RALYL: variants seen among roughly 807,000 people sequenced by gnomAD.
RALYL encodes the protein RNA-binding Raly-like protein.
Under a neutral mutation model 35.1 loss-of-function variants are expected in RALYL, and 29 were observed. That is an observed-to-expected ratio of 0.83 (90% CI 0.61 to 1.13). RALYL has a LOEUF of 1.13. Among genes scored for constraint, RALYL ranks in the 50% most tolerant of loss-of-function variants. The pLI, the probability that RALYL is intolerant of heterozygous loss-of-function variation, is 0.00. For synonymous variants in RALYL, 120 were observed against 127.6 expected, an observed-to-expected ratio of 0.94 and a Z score of 0.40; for missense variants, 359 against 360.4, an observed-to-expected ratio of 1.00 and a Z score of 0.03.
rs73294064 is a variant in RALYL, at chr8:84,589,648, C to T, written c.256+60071C>T. Among the ~76,000 whole-genome samples, 668 of 152,184 alleles carry T rather than the reference C, an allele frequency of 4.4e-3. 4 individuals are homozygous for T. The highest frequency in any genetic ancestry group is 0.015 in the African/African-American group (635 of 41,502). On this transcript the variant is annotated intron_variant, in intron 2 of 8. Transcript: ENST00000521268. ...TATACTTTATTATCTTAATTCATAG[C>T]TAAAGTCCAATTATTATATTAATTA...
chr8:84,230,627 C>T (rs189736262), intron 1 of RALYL, among the ~76,000 whole-genome samples: 2 of 152,166 alleles, frequency 1.3e-5, no homozygotes, highest in East Asian at 1.9e-4. Context: ...TTAAGTTTTT[C>T]GACTTTCATA....
At chr8:84,561,497 A>T (rs1403308087) in intron 2 of RALYL, among the ~76,000 whole-genome samples, 2 of 150,880 alleles carry the variant, frequency 1.3e-5, no homozygotes, top group African/African-American at 4.8e-5. Context: ...AGCCGTATGC[A>T]TACTATGTTT....
intron 1 of RALYL, among the ~76,000 whole-genome samples, chr8:84,321,924 TAGGAGAGACACTGCTTAATAATAA>T (rs1217845294): frequency 6.6e-6 from 1 of 151,866 alleles, no homozygotes; most frequent in Non-Finnish European, 1.5e-5. Flanking sequence ...TTATCAGAAA[TAGGAGAGACACTGCTTAATAATAA>T]AGGGATCAAT....
intron 2 of RALYL, among the ~76,000 whole-genome samples, chr8:84,767,032 A>G (rs763399109): frequency 6.6e-5 from 10 of 152,192 alleles, no homozygotes; most frequent in Non-Finnish European, 1.2e-4. Flanking sequence ...TGGGAGAGTC[A>G]CATCTATTTG....
At chr8:84,584,730 A>G (rs1811611967) in intron 2 of RALYL, among the ~76,000 whole-genome samples, 2 of 152,216 alleles carry the variant, frequency 1.3e-5, no homozygotes, top group Non-Finnish European at 2.9e-5. Context: ...TTATTTTATA[A>G]TAAGAAGACA....
intron 1 of RALYL, among the ~76,000 whole-genome samples, chr8:84,439,225 T>A (rs1449347774): frequency 6.6e-6 from 1 of 152,142 alleles, no homozygotes; most frequent in Non-Finnish European, 1.5e-5. Flanking sequence ...GAACATGGAA[T>A]GTTTGTCGAT....
chr8:84,891,498 A>C (rs1484918826), intron 8 of RALYL, among the ~76,000 whole-genome samples: 1 of 152,190 alleles, frequency 6.6e-6, no homozygotes, highest in Non-Finnish European at 1.5e-5. Context: ...AAACCATGGT[A>C]TCTGGACTAT....
At chr8:84,196,033 A>G (rs1350891825) in intron 1 of RALYL, among the ~76,000 whole-genome samples, 1 of 152,250 alleles carries the variant, frequency 6.6e-6, no homozygotes, top group East Asian at 1.9e-4. Context: ...GTTAAGTACT[A>G]TAAAATATAT....
chr8:84,474,359 G>T (rs2053148665), intron 1 of RALYL, among the ~76,000 whole-genome samples: 1 of 152,158 alleles, frequency 6.6e-6, no homozygotes, highest in East Asian at 1.9e-4. Flanking sequence ...AGTTGTTTGT[G>T]TAAGCAAGGT....
At chr8:84,605,931 G>A (rs1226896329) in intron 2 of RALYL, among the ~76,000 whole-genome samples, 1 of 152,088 alleles carries the variant, frequency 6.6e-6, no homozygotes, top group East Asian at 1.9e-4. Flanking sequence ...CCAGGTTTAA[G>A]TATAGCCAGA....
At chr8:84,584,973 G>T (rs939091701) in intron 2 of RALYL, among the ~76,000 whole-genome samples, 4 of 152,142 alleles carry the variant, frequency 2.6e-5, no homozygotes, top group African/African-American at 9.7e-5. Context: ...CCTGTTCTAT[G>T]CCATATTATT....
chr8:84,911,305 G>T (rs1268389158), intron 8 of RALYL, among the ~76,000 whole-genome samples: 1 of 152,010 alleles, frequency 6.6e-6, no homozygotes, highest in Non-Finnish European at 1.5e-5. Flanking sequence ...GCAAGATATG[G>T]TATTTTCTAT....
intron 7 of RALYL, 76 bp from the exon 8 acceptor site, chr8:84,887,528 A>G: frequency 7.6e-7 from 1 of 1,316,702 alleles, no homozygotes; most frequent in Non-Finnish European, 1.0e-6. Context: ...CCTTTCATGG[A>G]CTGTTTTTTC....
intron 2 of RALYL, among the ~76,000 whole-genome samples, chr8:84,558,465 T>C (rs1028401558): frequency 6.6e-6 from 1 of 152,126 alleles, no homozygotes; most frequent in African/African-American, 2.4e-5. Context: ...TGAAGACTTT[T>C]TTAGTTATAA....
chr8:84,754,771 A>T (rs12547070), intron 2 of RALYL, among the ~76,000 whole-genome samples: 3,181 of 152,262 alleles, frequency 0.021, 232 homozygotes, highest in Admixed American at 0.14. Flanking sequence ...ATGATTACTG[A>T]TAGATGCCAC....
At chr8:84,522,261 T>A (rs1004812831) in intron 1 of RALYL, among the ~76,000 whole-genome samples, 1 of 150,402 alleles carries the variant, frequency 6.6e-6, no homozygotes, top group African/African-American at 2.4e-5. Context: ...TTTTTTTTTT[T>A]TTTTTTGAGA....
chr8:84,185,583 C>T (rs147684493), intron 1 of RALYL, among the ~76,000 whole-genome samples: 177 of 152,290 alleles, frequency 1.2e-3, no homozygotes, highest in African/African-American at 4.1e-3. Context: ...AGGCATACAT[C>T]TTAAAATCTG....
rs554174061 is a variant in RALYL at position 84,300,742 on chromosome 8, C to A, written c.-24+116318C>A. ...GTTTTGTTTGAAATTAGAATAACAACCCCTGCTTTTTGGTTTTGCTTGGTT... is the reference window on the plus strand; with the variant it reads ...GTTTTGTTTGAAATTAGAATAACAAACCCTGCTTTTTGGTTTTGCTTGGTT... On this transcript the variant is annotated intron_variant, in intron 1 of 8. Transcript: ENST00000521268. Among the ~76,000 whole-genome samples, 6 of 152,094 alleles carry A rather than the reference C, an allele frequency of 3.9e-5. No individual in the cohort carries two copies. In the East Asian group the frequency reaches 9.6e-4, roughly 24 times the overall value.
At chr8:84,275,957 A>T (rs184129607) in intron 1 of RALYL, among the ~76,000 whole-genome samples, 3,035 of 151,080 alleles carry the variant, frequency 0.02, 44 homozygotes, top group South Asian at 0.032. Context: ...ACTAATTTTT[A>T]AAAAAAATAT....
Sources: gnomAD v4.1 joint callset for allele counts (sites outside exome capture counted in the v4.1 genomes callset) on GRCh38, gnomAD v4.1.1 for gene constraint, MANE v1.5 for transcripts, NCBI Gene and HGNC (gene_info 2026-07-23, HGNC 2026-07-21) for gene names.